KLK3: variants seen among roughly 807,000 people sequenced by gnomAD.
KLK3 encodes the protein kallikrein related peptidase 3.
In KLK3, 23 loss-of-function variants were observed where a neutral mutation model predicts 27.7. The observed-to-expected ratio is 0.83, with a 90% CI of 0.60 to 1.17. The LOEUF (loss-of-function observed/expected upper bound fraction) is 1.17, where lower values mean the gene tolerates loss of function less well. Ranked by LOEUF, KLK3 falls within the 50% of genes most tolerant of loss-of-function variation. The pLI is 0.00. For synonymous variants in KLK3, 142 were observed against 134.2 expected, an observed-to-expected ratio of 1.06 and a Z score of -0.40; for missense variants, 322 against 338.1, an observed-to-expected ratio of 0.95 and a Z score of 0.37.
intron 4 of KLK3, 169 bp downstream of exon 4, chr19:50,858,764 C>A (rs2090166055): frequency 4.3e-6 from 3 of 704,788 alleles, no homozygotes; most frequent in Non-Finnish European, 7.1e-6. Context: ...CTTTGACTCC[C>A]TCAAGGCAAT....
chr19:50,860,520 C>T lies in KLK3; in HGVS notation c.*393C>T, dbSNP rs534527207. The T allele has an allele frequency of 6.3e-6, 1 of 159,196 alleles. No homozygotes were observed. The highest frequency in any genetic ancestry group is 2.0e-4 in the South Asian group (1 of 5,060). 9.9% of individuals were successfully genotyped at this position (159,196 alleles called of 1,614,324 possible). ...GGAGGCACAACGCACCAGACACTCA[C>T]AGCAAGGATGGAGCTGAAAACATAA... On this transcript the variant is annotated 3_prime_UTR_variant, in exon 5 of 5. Coordinates refer to ENST00000326003, the MANE Select transcript of KLK3 (RefSeq NM_001648.2).
intron 4 of KLK3, 104 bp from the exon 5 acceptor site, chr19:50,859,868 G>A: frequency 6.6e-7 from 1 of 1,514,174 alleles, no homozygotes; most frequent in Non-Finnish European, 8.9e-7. Context: ...TTCCAAAGCT[G>A]GGAACTGCTA....
intron 4 of KLK3, 190 bp from the exon 5 acceptor site, chr19:50,859,782 C>A (rs1222433362): frequency 1.4e-6 from 2 of 1,470,090 alleles, no homozygotes; most frequent in Non-Finnish European, 1.8e-6. Flanking sequence ...CCGGCCAGGA[C>A]TGGAGCCCCT....
Position 50,858,036 on chromosome 19 carries a change from G to C in KLK3, c.214G>C (p.Val72Leu). ...TAAHCIRNKS[V>L]ILLGRHSLFH... ...CGTCTGCTTCCTCCCCAGCAAAAGC[G>C]TGATCTTGCTGGGTCGGCACAGCCT... The change falls in exon 3 of 5, where the codon GTG (valine) becomes CTG (leucine). Residue 72 changes from valine to leucine, a missense_variant. Transcript: ENST00000326003. 7 of 1,608,682 alleles carry C rather than the reference G, an allele frequency of 4.4e-6. No homozygotes were observed. The highest frequency in any genetic ancestry group is 5.9e-6 in the Non-Finnish European group (7 of 1,177,958).
rs772734530 is a variant in KLK3, at chr19:50,860,034, T to C, written c.693T>C (p.Ser231=). The C allele has an allele frequency of 6.2e-7, 1 of 1,614,114 alleles. No homozygotes were observed. The highest frequency in any genetic ancestry group is 8.5e-7 in the Non-Finnish European group (1 of 1,179,978). ...GVLQGITSWG[S]EPCALPERPS... is the part of the protein sequence containing the mutation. ...TTCAAGGTATCACGTCATGGGGCAG[T>C]GAACCATGTGCCCTGCCCGAAAGGC... is the stretch of plus-strand genomic sequence containing the variant. The change falls in exon 5 of 5, where the codon AGT becomes AGC. Residue 231 remains serine, a synonymous_variant. Transcript: ENST00000326003.
At chr19:50,855,231 C>T (rs760516899) in intron 1 of KLK3, 14 of 560,356 alleles carry the variant, frequency 2.5e-5, no homozygotes, top group African/African-American at 2.1e-4. Flanking sequence ...ACTTTCTCCC[C>T]ATTGCCCAGC....
Position 50,857,901 on chromosome 19 carries a change from GTC to G in KLK3, c.207-126_207-125del. 4 of 1,032,348 alleles carry G rather than the reference GTC, an allele frequency of 3.9e-6. No homozygotes were observed. In the South Asian group the frequency reaches 5.2e-5, roughly 13 times the overall value. The allele number at this position is 1,032,348 out of a possible 1,614,324, so 63.9% of individuals were successfully genotyped here. A position where few individuals can be genotyped will look rare whatever the true frequency, so the allele number is the denominator to read the frequency against. On this transcript the variant is annotated intron_variant, in intron 2 of 4. Transcript: ENST00000326003. ...TGTCTGTATTTTTGGCCTGAACTGT[GTC>G]TTCCCCAACCCTGTGTTTTTCTCAC...
chr19:50,856,774 C>G (rs1432701389), intron 2 of KLK3: 1 of 196,730 alleles, frequency 5.1e-6, no homozygotes, highest in Non-Finnish European at 1.0e-5. Flanking sequence ...CACCCTGTAT[C>G]TCTCTGCCAG....
chr19:50,859,321 C>T (rs981044003), intron 4 of KLK3, among the ~76,000 whole-genome samples: 3 of 118,966 alleles, frequency 2.5e-5, no homozygotes, highest in Admixed American at 7.7e-5. Context: ...CAGGACAGGG[C>T]CTGGCTCAGG....
At chr19:50,855,885 T>C (rs975330694) in intron 1 of KLK3, 1 of 189,210 alleles carries the variant, frequency 5.3e-6, no homozygotes, top group African/African-American at 2.4e-5. Flanking sequence ...CCACAACTTG[T>C]ACCAAGTTTC....
At position 50,858,026 on chromosome 19, in the gene KLK3, C is replaced by T. The variant is rs2090159766; in HGVS notation, c.207-3C>T. The T allele has an allele frequency of 3.1e-6, 5 of 1,604,296 alleles. No homozygotes were observed. In the Admixed American group the frequency reaches 5.0e-5, roughly 16 times the overall value. On this transcript the variant is annotated splice_polypyrimidine_tract_variant and splice_region_variant and intron_variant, in intron 2 of 4. Transcript: ENST00000326003. ...CTCATTCCTGCGTCTGCTTCCTCCC[C>T]AGCAAAAGCGTGATCTTGCTGGGTC...
chr19:50,859,717 G>C, intron 4 of KLK3: 2 of 1,557,364 alleles, frequency 1.3e-6, no homozygotes, highest in South Asian at 1.2e-5. Flanking sequence ...TACAAGGACT[G>C]TCCTCGTGGA....
intron 1 of KLK3, 100 bp downstream of exon 1, chr19:50,855,101 G>T (rs1487671803): frequency 2.4e-6 from 3 of 1,244,436 alleles, no homozygotes; most frequent in Admixed American, 3.7e-5. Flanking sequence ...AGCCCAGACA[G>T]GGAGCTGGGC....
At chr19:50,857,684 G>A in intron 2 of KLK3, 1 of 204,352 alleles carries the variant, frequency 4.9e-6, no homozygotes, top group Non-Finnish European at 9.7e-6. Flanking sequence ...TCTTTCTCTG[G>A]CCCATGTCTG....
At position 50,856,349 on chromosome 19, in the gene KLK3, T is replaced by C; in HGVS notation, c.156T>C (p.Gly52=). 2.5e-6 allele frequency: 4 copies of C among 1,613,232 alleles called. No individual in the cohort carries two copies. The highest frequency in any genetic ancestry group is 2.5e-6 in the Non-Finnish European group (3 of 1,179,950). ...VASRGRAVCG[G]VLVHPQWVLT... The stretch of plus-strand genomic sequence containing the variant: ...CTCGTGGCAGGGCAGTCTGCGGCGG[T>C]GTTCTGGTGCACCCCCAGTGGGTCC... The change falls in exon 2 of 5, where the codon GGT becomes GGC. Residue 52 remains glycine (G), a synonymous_variant. Coordinates refer to ENST00000326003, the MANE Select transcript of KLK3 (RefSeq NM_001648.2).
Position 50,854,925 on chromosome 19 carries a change from T to A in KLK3, c.-31T>A. Reference sequence around the variant, plus strand: ...TGGGGGAGGCTCCCCAGCCCCAAGCTTACCACCTGCACCCGGAGAGCTGTG... The same window carrying A: ...TGGGGGAGGCTCCCCAGCCCCAAGCATACCACCTGCACCCGGAGAGCTGTG... On this transcript the variant is annotated 5_prime_UTR_variant, in exon 1 of 5. Transcript: ENST00000326003. 6.2e-7 allele frequency: 1 copy of A among 1,613,488 alleles called. No individual in the cohort carries two copies. Among genetic ancestry groups the A allele is most frequent in the African/African-American group, 1.3e-5 (1 of 74,976 alleles).
chr19:50,858,454 C>T lies in KLK3; in HGVS notation c.494-5C>T, dbSNP rs570067587. ...CCCACAACAGTGTTTTTGCCTGGCCCGTAGTCTTGACCCCAAAGAAACTTC... is the reference window on the plus strand; with the variant it reads ...CCCACAACAGTGTTTTTGCCTGGCCTGTAGTCTTGACCCCAAAGAAACTTC... On this transcript the variant is annotated splice_polypyrimidine_tract_variant and splice_region_variant and intron_variant, in intron 3 of 4. Transcript: ENST00000326003. The T allele has an allele frequency of 2.9e-5, 47 of 1,614,138 alleles. No homozygotes were observed. The South Asian group carries it at 3.7e-4, about 13-fold the overall frequency.
chr19:50,858,040 T>C lies in KLK3; in HGVS notation c.218T>C (p.Ile73Thr). 1 of 1,610,228 alleles carries C rather than the reference T, an allele frequency of 6.2e-7. No homozygotes were observed. The highest frequency in any genetic ancestry group is 1.1e-5 in the South Asian group (1 of 90,760). Reference protein sequence around the residue: ...AAHCIRNKSVILLGRHSLFHP... With the variant: ...AAHCIRNKSVTLLGRHSLFHP... ...TGCTTCCTCCCCAGCAAAAGCGTGATCTTGCTGGGTCGGCACAGCCTGTTT... is the reference window on the plus strand; with the variant it reads ...TGCTTCCTCCCCAGCAAAAGCGTGACCTTGCTGGGTCGGCACAGCCTGTTT... The change falls in exon 3 of 5, where the codon ATC (isoleucine) becomes ACC (threonine). Residue 73 changes from isoleucine to threonine, a missense_variant. Coordinates refer to ENST00000326003, the MANE Select transcript of KLK3 (RefSeq NM_001648.2).
At chr19:50,856,173 C>T (rs555261704) in intron 1 of KLK3, 67 bp from the exon 2 acceptor site, 3 of 1,434,328 alleles carry the variant, frequency 2.1e-6, no homozygotes, top group Non-Finnish European at 2.9e-6. Flanking sequence ...CTAAATCCAT[C>T]TCCTATCCGA....
Sources: gnomAD v4.1 joint callset for allele counts (sites outside exome capture counted in the v4.1 genomes callset) on GRCh38, gnomAD v4.1.1 for gene constraint, MANE v1.5 for transcripts, NCBI Gene and HGNC (gene_info 2026-07-23, HGNC 2026-07-21) for gene names.